AP2A1: variants seen among roughly 807,000 people sequenced by gnomAD.
The protein encoded by AP2A1 is adaptor related protein complex 2 subunit alpha 1, also known as AP-2 complex subunit alpha-1.
AP2A1 carries 21 observed loss-of-function variants against 107.3 expected under a neutral mutation model. The observed-to-expected ratio is 0.20, with a 90% CI of 0.14 to 0.28. The LOEUF is 0.28. Among genes scored for constraint, AP2A1 ranks in the 10% least tolerant of loss-of-function variants. AP2A1 has a pLI of 1.00. For missense variants in AP2A1, 873 were observed against 1,307.7 expected, an observed-to-expected ratio of 0.67 and a Z score of 5.13; for synonymous variants, 602 against 564.8, an observed-to-expected ratio of 1.07 and a Z score of -0.93.
Position 49,800,100 on chromosome 19 carries a change from G to A in AP2A1, c.1405G>A (p.Val469Ile), listed in dbSNP as rs779596720. Reference sequence around the variant, plus strand: ...GGTGTGGTACCGTGTGCTACAGATCGTCACCAACCGTGATGACGTCCAGGG... The same window carrying A: ...GGTGTGGTACCGTGTGCTACAGATCATCACCAACCGTGATGACGTCCAGGG... The part of the protein sequence containing the change: ...EEVWYRVLQI[V>I]TNRDDVQGYA... Residue 469 changes from valine (V) to isoleucine (I), a missense_variant, in exon 11 of 23, where the codon GTC becomes ATC. Physicochemically the swap from Val to Ile is conservative, Grantham distance 29. Transcript: ENST00000354293. 24 of 1,613,736 alleles carry A rather than the reference G, an allele frequency of 1.5e-5. No individual in the cohort carries two copies. The highest frequency in any genetic ancestry group is 2.0e-5 in the Non-Finnish European group (24 of 1,179,794).
intron 6 of AP2A1, among the ~76,000 whole-genome samples, chr19:49,793,983 T>C (rs2073179953): frequency 7.3e-6 from 1 of 136,218 alleles, no homozygotes; most frequent in South Asian, 2.6e-4. Flanking sequence ...CTCGGCTCAC[T>C]GCAAGCTCCC....
intron 8 of AP2A1, 79 bp from the exon 9 acceptor site, chr19:49,799,248 G>A: frequency 6.7e-7 from 1 of 1,481,514 alleles, no homozygotes; most frequent in Non-Finnish European, 9.1e-7. Flanking sequence ...GCTGTGAGAT[G>A]GGTCAGCTGG....
At chr19:49,767,532 G>C (rs1460301183) in intron 1 of AP2A1, among the ~76,000 whole-genome samples, 2 of 152,118 alleles carry the variant, frequency 1.3e-5, no homozygotes, top group African/African-American at 2.4e-5. Context: ...GATGGGGTTA[G>C]AGGGATTCCC....
intron 4 of AP2A1, among the ~76,000 whole-genome samples, chr19:49,783,368 A>G (rs993006183): frequency 3.9e-5 from 6 of 152,006 alleles, no homozygotes; most frequent in Non-Finnish European, 8.8e-5. Flanking sequence ...GCGTGCACCT[A>G]TAGTCCCAGC....
chr19:49,802,428 T>C lies in AP2A1; in HGVS notation c.2114+287T>C, dbSNP rs764056178. The C allele has an allele frequency of 8.2e-5, 93 of 1,134,968 alleles. 2 individuals are homozygous for C. The highest frequency in any genetic ancestry group is 5.9e-4 in the South Asian group (45 of 76,336). 70.3% of individuals were successfully genotyped at this position (1,134,968 alleles called of 1,614,324 possible). A position where few individuals can be genotyped will look rare whatever the true frequency, so the allele number is the denominator to read the frequency against. On this transcript the variant is annotated intron_variant, in intron 15 of 22. Transcript: ENST00000354293. ...CTTTTCTCCTTCTCTCCTTCCCTCT[T>C]CCGTCCCTCCCTCTCTGTCTCTCTT...
intron 1 of AP2A1, among the ~76,000 whole-genome samples, chr19:49,779,364 G>A (rs1197812300): frequency 3.5e-5 from 5 of 144,334 alleles, no homozygotes; most frequent in Non-Finnish European, 6.0e-5. Context: ...AAAATTAGTT[G>A]AATGTGGTGT....
At chr19:49,806,467 T>TTCTA in intron 22 of AP2A1, 1 of 1,438,564 alleles carries the variant, frequency 7.0e-7, no homozygotes, top group African/African-American at 1.4e-5. Context: ...CCTCCCTGAT[T>TTCTA]TCTACCTTTC....
chr19:49,783,922 A>C (rs114199472), intron 4 of AP2A1, among the ~76,000 whole-genome samples: 2 of 152,246 alleles, frequency 1.3e-5, no homozygotes, highest in Admixed American at 1.3e-4. Flanking sequence ...TGGGTAGTCC[A>C]AAAGCCCCTA....
At chr19:49,794,460 C>T (rs1226587199) in intron 6 of AP2A1, among the ~76,000 whole-genome samples, 14 of 152,086 alleles carry the variant, frequency 9.2e-5, no homozygotes, top group Admixed American at 2.6e-4. Flanking sequence ...CCTCAGCCTC[C>T]GAAAGTGCTG....
intron 1 of AP2A1, 150 bp downstream of exon 1, chr19:49,767,350 T>TG (rs1568571329): frequency 2.0e-6 from 2 of 977,104 alleles, no homozygotes; most frequent in African/African-American, 1.7e-5. Context: ...AACTTTAGAG[T>TG]GGGGGGCACG....
intron 1 of AP2A1, among the ~76,000 whole-genome samples, chr19:49,774,549 C>T (rs2084597618): frequency 6.7e-6 from 1 of 149,248 alleles, no homozygotes; most frequent in African/African-American, 2.5e-5. Flanking sequence ...TTGAAATTTT[C>T]TTTTTTTTTT....
At position 49,795,682 on chromosome 19, in the gene AP2A1, C is replaced by A; in HGVS notation, c.758C>A (p.Pro253Gln). ...DLQDYTYYFV[P>Q]APWLSVKLLR... is the part of the protein sequence containing the mutation. ...CAGGACTACACCTACTACTTCGTCC[C>A]AGCACCCTGGCTCTCGGTGAAGCTC... The change falls in exon 7 of 23, where the codon CCA becomes CAA. Residue 253 changes from proline to glutamine, a missense_variant. Pro to Gln is a moderately conservative substitution (Grantham distance 76, BLOSUM62 -1). Around this residue, in one of 4 missense-constraint regions of AP2A1, gnomAD observed 157 missense variants for 212.6 expected, o/e 0.74. Transcript: ENST00000354293. 6.4e-7 allele frequency: 1 copy of A among 1,574,542 alleles called. No homozygotes were observed.
intron 4 of AP2A1, among the ~76,000 whole-genome samples, chr19:49,786,928 C>G (rs920534288): frequency 2.0e-5 from 3 of 152,216 alleles, no homozygotes; most frequent in Non-Finnish European, 4.4e-5. Flanking sequence ...TGGCTCTAGG[C>G]TGCCCCCTCC....
Position 49,788,379 on chromosome 19 carries a change from C to T in AP2A1, c.474-3556C>T, listed in dbSNP as rs2073100021. On this transcript the variant is annotated intron_variant, in intron 4 of 22. Transcript: ENST00000354293. The surrounding 1 kb of genome is among the most constrained non-coding windows in gnomAD (Gnocchi z 4.5). ...AGCTCTTATTCCTTTGTGTGGTATC[C>T]TTATCTGTAAATGGAGATGATAGAA... Among the ~76,000 whole-genome samples, 1 of 152,152 alleles carries T rather than the reference C, an allele frequency of 6.6e-6. No individual in the cohort carries two copies. The highest frequency in any genetic ancestry group is 6.5e-5 in the Admixed American group (1 of 15,268).
intron 15 of AP2A1, 183 bp downstream of exon 15, chr19:49,802,324 C>T: frequency 2.4e-6 from 2 of 819,192 alleles, no homozygotes; most frequent in South Asian, 1.4e-5. Flanking sequence ...CACGCCCTCC[C>T]TCTGCCACTC....
chr19:49,789,298 T>G lies in AP2A1; in HGVS notation c.474-2637T>G, dbSNP rs145141427. 1.1e-3 allele frequency among the ~76,000 whole-genome samples: 160 copies of G among 152,220 alleles called. 1 individual carries two copies. The highest frequency in any genetic ancestry group is 6.8e-3 in the Middle Eastern group (2 of 294). ...GCCATGCACCACACAATCTCATTTC[T>G]GTTTTTTTTTGAGACGGAGTCTCAC... On this transcript the variant is annotated intron_variant, in intron 4 of 22. Coordinates refer to ENST00000354293, the MANE Select transcript of AP2A1 (RefSeq NM_130787.3).
At chr19:49,779,318 C>T (rs1292789444) in intron 1 of AP2A1, among the ~76,000 whole-genome samples, 1 of 133,784 alleles carries the variant, frequency 7.5e-6, no homozygotes, top group African/African-American at 2.8e-5. Context: ...GCCTGGGTGA[C>T]ACAGTGAGAC....
intron 6 of AP2A1, among the ~76,000 whole-genome samples, chr19:49,794,644 T>C (rs566233356): frequency 2.6e-5 from 4 of 151,952 alleles, no homozygotes; most frequent in African/African-American, 9.6e-5. Context: ...GAGTTTGCAA[T>C]GAGGAAAAAA....
chr19:49,773,473 C>T (rs1391204501), intron 1 of AP2A1, among the ~76,000 whole-genome samples: 1 of 152,170 alleles, frequency 6.6e-6, no homozygotes, highest in Non-Finnish European at 1.5e-5. Context: ...CATGGGAGGC[C>T]TCAGGAGATG....
Sources: allele counts gnomAD v4.1 joint callset (sites outside exome capture counted in the v4.1 genomes callset), GRCh38; gene constraint gnomAD v4.1.1; regional missense constraint gnomAD v4.1.1; non-coding constraint Gnocchi (gnomAD v3.1); transcripts MANE v1.5; gene names NCBI Gene and HGNC (gene_info 2026-07-23, HGNC 2026-07-21).